GRM8: variants seen among roughly 807,000 people sequenced by gnomAD.
The protein encoded by GRM8 is glutamate metabotropic receptor 8.
In GRM8, 47 loss-of-function variants were observed where a neutral mutation model predicts 87.2. The ratio of observed to expected loss-of-function variants is 0.54; its 90% CI spans 0.43 to 0.69. The LOEUF (loss-of-function observed/expected upper bound fraction) is 0.69, where lower values mean the gene tolerates loss of function less well. Among genes scored for constraint, GRM8 ranks in the 30% least tolerant of loss-of-function variants. The pLI is 0.00. For synonymous variants in GRM8, 396 were observed against 404.5 expected (o/e 0.98, Z 0.25); for missense variants, 1,019 against 1,139.2 (o/e 0.89, Z 1.52).
At chr7:126,654,921 T>C (rs555731627) in intron 7 of GRM8, among the ~76,000 whole-genome samples, 2 of 152,258 alleles carry the variant, frequency 1.3e-5, no homozygotes, top group African/African-American at 2.4e-5. Flanking sequence ...AGAAAAAAAT[T>C]ACTATGCCAT....
intron 7 of GRM8, among the ~76,000 whole-genome samples, chr7:126,732,511 G>A (rs1219050231): frequency 2.0e-5 from 3 of 152,104 alleles, no homozygotes; most frequent in African/African-American, 7.2e-5. Flanking sequence ...AACCTCTCTA[G>A]CTGTAATCAC....
At chr7:126,977,283 T>C (rs1460964137) in intron 3 of GRM8, among the ~76,000 whole-genome samples, 1 of 152,220 alleles carries the variant, frequency 6.6e-6, no homozygotes, top group Non-Finnish European at 1.5e-5. Flanking sequence ...GACTAGAAAA[T>C]AGTGGATTTC....
At chr7:126,843,039 A>G (rs1368134441) in intron 6 of GRM8, among the ~76,000 whole-genome samples, 1 of 152,258 alleles carries the variant, frequency 6.6e-6, no homozygotes, top group Non-Finnish European at 1.5e-5. Context: ...TTCAAACATG[A>G]TAAAAATGAT....
intron 7 of GRM8, among the ~76,000 whole-genome samples, chr7:126,662,362 T>C (rs921506467): frequency 6.6e-6 from 1 of 152,086 alleles, no homozygotes; most frequent in African/African-American, 2.4e-5. Context: ...GAAAGGAACA[T>C]TAGCTTTAAT....
At chr7:126,569,043 C>T (rs1794476093) in intron 8 of GRM8, among the ~76,000 whole-genome samples, 1 of 152,104 alleles carries the variant, frequency 6.6e-6, no homozygotes, top group African/African-American at 2.4e-5. Flanking sequence ...GTGATTCAGC[C>T]CCATACTCTG....
rs569247638 is a variant in GRM8 at position 127,044,446 on chromosome 7, A to G, written c.727+62050T>C. On this transcript the variant is annotated intron_variant, in intron 3 of 10. Coordinates refer to ENST00000339582, the MANE Select transcript of GRM8 (RefSeq NM_000845.3). ...TGGGACATGAAATTGAGTCTATTTAAAAGTTCTGGCACAATTTAGATATTA... is the reference window on the plus strand; with the variant it reads ...TGGGACATGAAATTGAGTCTATTTAGAAGTTCTGGCACAATTTAGATATTA... Among the ~76,000 whole-genome samples the G allele has an allele frequency of 3.9e-5, 6 of 152,312 alleles. No individual in the cohort carries two copies. In the East Asian group the frequency reaches 5.8e-4, roughly 15 times the overall value.
intron 6 of GRM8, among the ~76,000 whole-genome samples, chr7:126,847,211 G>A (rs933602770): frequency 1.3e-5 from 2 of 152,158 alleles, no homozygotes; most frequent in Non-Finnish European, 2.9e-5. Context: ...AAAGGCAACT[G>A]TTAATCAATT....
chr7:126,874,322 T>C (rs1260518693), intron 6 of GRM8, among the ~76,000 whole-genome samples: 1 of 152,084 alleles, frequency 6.6e-6, no homozygotes, highest in Non-Finnish European at 1.5e-5. Flanking sequence ...ATATAAGTCA[T>C]TGAATCCTAA....
intron 3 of GRM8, among the ~76,000 whole-genome samples, chr7:127,062,476 T>G (rs189862275): frequency 2.0e-5 from 3 of 152,100 alleles, no homozygotes; most frequent in African/African-American, 7.2e-5. Context: ...AAAGCTGGGG[T>G]TCAGCTGGTG....
chr7:126,457,143 T>C (rs1051640565), intron 9 of GRM8, among the ~76,000 whole-genome samples: 13 of 151,630 alleles, frequency 8.6e-5, no homozygotes, highest in African/African-American at 3.1e-4. Context: ...ATTGAATAGA[T>C]GAGTTTAATA....
chr7:126,952,724 A>G (rs914841081), intron 3 of GRM8, among the ~76,000 whole-genome samples: 1 of 152,036 alleles, frequency 6.6e-6, no homozygotes, highest in Admixed American at 6.5e-5. Flanking sequence ...GCATGAGAAA[A>G]CACCAGACAA....
chr7:126,669,659 C>T (rs1221257002), intron 7 of GRM8, among the ~76,000 whole-genome samples: 1 of 152,180 alleles, frequency 6.6e-6, no homozygotes, highest in Non-Finnish European at 1.5e-5. Flanking sequence ...ATAGTCAAAC[C>T]TTGGTTGCAG....
At chr7:126,469,040 T>C (rs967440944) in intron 9 of GRM8, among the ~76,000 whole-genome samples, 3 of 152,152 alleles carry the variant, frequency 2.0e-5, no homozygotes, top group African/African-American at 7.2e-5. Flanking sequence ...AATCTTTGTT[T>C]CAGCATTTAT....
chr7:127,024,487 T>G (rs958813620), intron 3 of GRM8, among the ~76,000 whole-genome samples: 3 of 152,058 alleles, frequency 2.0e-5, no homozygotes, highest in Non-Finnish European at 4.4e-5. Context: ...ACTGTGGAAC[T>G]GGGTCTCCCT....
At chr7:126,608,597 G>A (rs2151097229) in intron 8 of GRM8, among the ~76,000 whole-genome samples, 1 of 152,220 alleles carries the variant, frequency 6.6e-6, no homozygotes, top group Admixed American at 6.5e-5. Context: ...ATAGCAGGTA[G>A]CTCTAAAGGC....
At chr7:126,756,801 G>A (rs1160383587) in intron 7 of GRM8, among the ~76,000 whole-genome samples, 1 of 152,006 alleles carries the variant, frequency 6.6e-6, no homozygotes, top group Non-Finnish European at 1.5e-5. Flanking sequence ...TTAGGTCAGA[G>A]AATGAACCTC....
chr7:126,878,998 A>G (rs967337293), intron 6 of GRM8, among the ~76,000 whole-genome samples: 2 of 152,018 alleles, frequency 1.3e-5, no homozygotes, highest in African/African-American at 2.4e-5. Context: ...CCCCGTCTCT[A>G]CTAAAAATAC....
At chr7:126,964,329 A>C (rs2131708824) in intron 3 of GRM8, among the ~76,000 whole-genome samples, 1 of 152,326 alleles carries the variant, frequency 6.6e-6, no homozygotes, top group Non-Finnish European at 1.5e-5. Context: ...ATCTAATTAA[A>C]GAGCTTCTGC....
intron 3 of GRM8, among the ~76,000 whole-genome samples, chr7:126,969,507 T>G (rs1196166564): frequency 6.6e-6 from 1 of 152,190 alleles, no homozygotes; most frequent in African/African-American, 2.4e-5. Flanking sequence ...GAAATAACTC[T>G]TCATCCATTC....
Sources: gnomAD v4.1 joint callset for allele counts (sites outside exome capture counted in the v4.1 genomes callset) on GRCh38, gnomAD v4.1.1 for gene constraint, MANE v1.5 for transcripts, NCBI Gene and HGNC (gene_info 2026-07-23, HGNC 2026-07-21) for gene names.